The following KCNJ3 variants were observed in gnomAD, a reference collection of about 807,000 sequenced individuals.
The protein encoded by KCNJ3 is potassium inwardly rectifying channel subfamily J member 3.
In KCNJ3, 4 loss-of-function variants were observed where a neutral mutation model predicts 39.2. The ratio of observed to expected loss-of-function variants is 0.10; its 90% confidence interval spans 0.05 to 0.23. The LOEUF (loss-of-function observed/expected upper bound fraction) is 0.23, where lower values mean the gene tolerates loss of function less well. Among genes scored for constraint, KCNJ3 ranks in the 10% least tolerant of loss-of-function variants. The pLI is 1.00. For synonymous variants in KCNJ3, 230 were observed against 237.4 expected (o/e 0.97, Z 0.29); for missense variants, 276 against 634.9 (o/e 0.43, Z 6.08).
intron 2 of KCNJ3, among the ~76,000 whole-genome samples, chr2:154,714,359 CTCTTTA>C (rs1192571920): frequency 6.6e-6 from 1 of 151,988 alleles, no homozygotes; most frequent in African/African-American, 2.4e-5. Flanking sequence ...TTTTTTCTTT[CTCTTTA>C]TATTTTTCAA....
At chr2:154,711,764 T>G (rs1685106039) in intron 2 of KCNJ3, among the ~76,000 whole-genome samples, 1 of 152,134 alleles carries the variant, frequency 6.6e-6, no homozygotes, top group Admixed American at 6.5e-5. Context: ...TGTTTGTAAA[T>G]TTTACCTATT....
chr2:154,768,169 G>A (rs1686169054), intron 2 of KCNJ3, among the ~76,000 whole-genome samples: 3 of 152,184 alleles, frequency 2.0e-5, no homozygotes, highest in Non-Finnish European at 1.5e-5. Context: ...TTCTTTTGCT[G>A]TGCAGAAGCT....
At chr2:154,797,579 A>G (rs1162947652) in intron 2 of KCNJ3, among the ~76,000 whole-genome samples, 1 of 152,046 alleles carries the variant, frequency 6.6e-6, no homozygotes, top group African/African-American at 2.4e-5. Flanking sequence ...TTATAAAATA[A>G]AAAGATATAT....
intron 2 of KCNJ3, among the ~76,000 whole-genome samples, chr2:154,853,023 G>A (rs749604040): frequency 1.5e-4 from 22 of 151,576 alleles, no homozygotes; most frequent in South Asian, 4.2e-4. Flanking sequence ...TTTCTCTACA[G>A]CTTATTAGAT....
At chr2:154,846,002 G>A (rs183693409) in intron 2 of KCNJ3, among the ~76,000 whole-genome samples, 4 of 151,436 alleles carry the variant, frequency 2.6e-5, no homozygotes, top group Admixed American at 2.0e-4. Flanking sequence ...ATTTGGCAAA[G>A]TCTGCAATGC....
intron 2 of KCNJ3, among the ~76,000 whole-genome samples, chr2:154,838,854 TTCTTCTCTATGCTAGTGATAA>T (rs1558887481): frequency 6.6e-6 from 1 of 152,244 alleles, no homozygotes; most frequent in Non-Finnish European, 1.5e-5. Context: ...TCAAAAGATT[TTCTTCTCTATGCTAGTGATAA>T]TGTTTTCCAA....
intron 2 of KCNJ3, among the ~76,000 whole-genome samples, chr2:154,814,879 T>C (rs1385177242): frequency 1.3e-5 from 2 of 152,216 alleles, no homozygotes; most frequent in Non-Finnish European, 2.9e-5. Context: ...AAGTTCTAAG[T>C]TCTAAGAATA....
In KCNJ3 at chr2:154,730,033, T is replaced by C. The variant is rs370807502; in HGVS notation, c.919+20214T>C. 3.3e-5 allele frequency among the ~76,000 whole-genome samples: 5 copies of C among 151,980 alleles called. No individual in the cohort carries two copies. The East Asian group carries it at 5.8e-4, about 18-fold the overall frequency. ...CACTTGCTTTTCCTAGTTGGGTTCA[T>C]TGAGATGGCTGCTGCACATTTAGGA... On this transcript the variant is annotated intron_variant, in intron 2 of 2. Transcript: ENST00000295101.
At chr2:154,845,627 A>T (rs1257578400) in intron 2 of KCNJ3, among the ~76,000 whole-genome samples, 1 of 152,184 alleles carries the variant, frequency 6.6e-6, no homozygotes, top group East Asian at 1.9e-4. Context: ...AAAAAGTTTG[A>T]TGAGACTGGG....
chr2:154,764,173 G>C (rs992644858), intron 2 of KCNJ3, among the ~76,000 whole-genome samples: 1 of 152,084 alleles, frequency 6.6e-6, no homozygotes, highest in Non-Finnish European at 1.5e-5. Context: ...TTATATTCTG[G>C]GCTAAAATAA....
At chr2:154,768,917 G>A (rs1310674505) in intron 2 of KCNJ3, among the ~76,000 whole-genome samples, 1 of 152,078 alleles carries the variant, frequency 6.6e-6, no homozygotes, top group Admixed American at 6.5e-5. Flanking sequence ...CTTTAAGTTG[G>A]ATTCCTAGGT....
At chr2:154,810,625 A>T (rs951765480) in intron 2 of KCNJ3, among the ~76,000 whole-genome samples, 5 of 151,728 alleles carry the variant, frequency 3.3e-5, no homozygotes, top group Admixed American at 1.3e-4. Context: ...ATTTTTATTT[A>T]AAAAAATCAT....
chr2:154,736,823 A>G (rs1335136075), intron 2 of KCNJ3, among the ~76,000 whole-genome samples: 3 of 152,054 alleles, frequency 2.0e-5, no homozygotes, highest in African/African-American at 7.2e-5. Flanking sequence ...GAGAGACAAG[A>G]AACAAATGAG....
intron 2 of KCNJ3, among the ~76,000 whole-genome samples, chr2:154,821,944 A>C (rs574844609): frequency 1.3e-5 from 2 of 152,002 alleles, no homozygotes; most frequent in East Asian, 3.9e-4. Flanking sequence ...CCCAGCCTGA[A>C]TATGTGATTT....
intron 2 of KCNJ3, among the ~76,000 whole-genome samples, chr2:154,791,272 T>C (rs1174380967): frequency 2.0e-5 from 3 of 151,994 alleles, no homozygotes; most frequent in Non-Finnish European, 2.9e-5. Context: ...CAAAATTTGG[T>C]CTAGGAAAGA....
chr2:154,784,124 T>C (rs1686486123), intron 2 of KCNJ3, among the ~76,000 whole-genome samples: 1 of 152,206 alleles, frequency 6.6e-6, no homozygotes, highest in Admixed American at 6.5e-5. Flanking sequence ...CAAGCATAAG[T>C]ACGTTTTGTG....
At chr2:154,780,181 A>G (rs914756823) in intron 2 of KCNJ3, among the ~76,000 whole-genome samples, 1 of 152,172 alleles carries the variant, frequency 6.6e-6, no homozygotes, top group Admixed American at 6.5e-5. Flanking sequence ...GTGGTAAAGA[A>G]AAAAAGGCAC....
chr2:154,735,069 C>CTCTGTGTGTGTG (rs1685503824), intron 2 of KCNJ3, among the ~76,000 whole-genome samples: 1 of 145,814 alleles, frequency 6.9e-6, no homozygotes, highest in Non-Finnish European at 1.5e-5. Flanking sequence ...CCTTGTAGGC[C>CTCTGTGTGTGTG]TGTGTGTGTG....
chr2:154,698,895 G>A lies in KCNJ3; in HGVS notation c.120G>A (p.Lys40=), dbSNP rs1684836645. Residue 40 remains lysine, a synonymous_variant, in exon 1 of 3, where the codon AAG becomes AAA. Coordinates refer to ENST00000295101, the MANE Select transcript of KCNJ3 (RefSeq NM_002239.4). ...ACCCTCAGCAGCAGCTTGTGCCCAA[G>A]AAGAAGCGGCAGCGGTTCGTGGACA... ...GQDPQQQLVP[K]KKRQRFVDKN... 6.2e-7 allele frequency: 1 copy of A among 1,614,204 alleles called. No individual in the cohort carries two copies. The highest frequency in any genetic ancestry group is 8.5e-7 in the Non-Finnish European group (1 of 1,180,052).
Sources: allele counts gnomAD v4.1 joint callset (sites outside exome capture counted in the v4.1 genomes callset), GRCh38; gene constraint gnomAD v4.1.1; transcripts MANE v1.5; gene names NCBI Gene and HGNC (gene_info 2026-07-23, HGNC 2026-07-21).